CHEK1: variants seen among roughly 807,000 people sequenced by gnomAD.
CHEK1 encodes checkpoint kinase 1, also known as serine/threonine-protein kinase Chk1.
CHEK1 carries 32 observed loss-of-function variants against 60.2 expected under a neutral mutation model. The ratio of observed to expected loss-of-function variants is 0.53; its 90% CI spans 0.40 to 0.71. The LOEUF (loss-of-function observed/expected upper bound fraction) is 0.71. Ranked by LOEUF, CHEK1 falls within the 30% of genes least tolerant of loss-of-function variation. The pLI is 0.00. For missense variants in CHEK1, 399 were observed against 564.6 expected (o/e 0.71, Z 2.97); for synonymous variants, 179 against 187.2 (o/e 0.96, Z 0.36).
intron 5 of CHEK1, among the ~76,000 whole-genome samples, chr11:125,631,827 ACT>A (rs113026374): frequency 0.079 from 10,886 of 138,358 alleles, 467 homozygotes; most frequent in African/African-American, 0.12. Flanking sequence ...ACATCACTAC[ACT>A]CTAGTCTGGG....
At chr11:125,678,391 C>G (rs1230855561), downstream of CHEK1, 1 of 1,435,958 alleles carries the variant, frequency 7.0e-7, no homozygotes, top group Admixed American at 2.2e-5. Flanking sequence ...TTATGAGACT[C>G]CTAGGTTTCC....
intron 8 of CHEK1, among the ~76,000 whole-genome samples, chr11:125,642,603 G>A (rs150532984): frequency 2.6e-5 from 4 of 152,218 alleles, no homozygotes; most frequent in South Asian, 4.2e-4. Flanking sequence ...GTTTGGGTAC[G>A]GATCCTGTAG....
chr11:125,677,913 CCTGAAGGCTGTTCAT>C (rs775646839), downstream of CHEK1: 37 of 1,613,998 alleles, frequency 2.3e-5, no homozygotes, highest in South Asian at 1.2e-4. Flanking sequence ...GCCATGTTCA[CCTGAAGGCTGTTCAT>C]CTGAAGGCTG....
At chr11:125,668,540 T>A (rs898425583) in intron 13 of CHEK1, among the ~76,000 whole-genome samples, 9 of 152,072 alleles carry the variant, frequency 5.9e-5, no homozygotes, top group African/African-American at 2.2e-4. Context: ...TAATTAATTA[T>A]TTATTTATTT....
In CHEK1 at chr11:125,646,459, A is replaced by G. The variant is rs549280361; in HGVS notation, c.1233+1816A>G. On this transcript the variant is annotated intron_variant, in intron 11 of 12. Coordinates refer to ENST00000438015, the MANE Select transcript of CHEK1 (RefSeq NM_001114122.3). ...ATCTTGTACCAGTTTTTGTGTGACCATATGTTTTCAATTTCTTAGATATAT... is the reference window on the plus strand; with the variant it reads ...ATCTTGTACCAGTTTTTGTGTGACCGTATGTTTTCAATTTCTTAGATATAT... Among the ~76,000 whole-genome samples, 4 of 152,236 alleles carry G rather than the reference A, an allele frequency of 2.6e-5. No homozygotes were observed. The South Asian group carries it at 6.2e-4, about 24-fold the overall frequency.
chr11:125,634,595 G>A (rs1470310732), intron 6 of CHEK1, among the ~76,000 whole-genome samples: 1 of 152,094 alleles, frequency 6.6e-6, no homozygotes, highest in African/African-American at 2.4e-5. Context: ...AAAGTGCTGG[G>A]ATTATATAAT....
At chr11:125,679,228 T>TTTTTTTTTTTTTTTTTTTTTTG (rs1454887323), downstream of CHEK1, among the ~76,000 whole-genome samples, 10 of 145,558 alleles carry the variant, frequency 6.9e-5, no homozygotes, top group African/African-American at 2.3e-4. Flanking sequence ...TTTTTTTTTT[T>TTTTTTTTTTTTTTTTTTTTTTG]TGTTTCAAAG....
intron 13 of CHEK1, among the ~76,000 whole-genome samples, chr11:125,665,587 C>T (rs573859970): frequency 2.6e-5 from 4 of 151,952 alleles, no homozygotes; most frequent in Non-Finnish European, 5.9e-5. Context: ...TGATAGAATT[C>T]AACAGTGAAT....
intron 13 of CHEK1, among the ~76,000 whole-genome samples, chr11:125,668,685 T>G (rs1163443510): frequency 6.6e-6 from 1 of 152,130 alleles, no homozygotes; most frequent in Non-Finnish European, 1.5e-5. Context: ...TCTGGGTAAC[T>G]GGGACTATAG....
intron 5 of CHEK1, among the ~76,000 whole-genome samples, chr11:125,629,922 C>T (rs1375428637): frequency 6.6e-6 from 1 of 151,794 alleles, no homozygotes; most frequent in African/African-American, 2.4e-5. Context: ...TGGAGTCTTC[C>T]TGTGTTGCTC....
At chr11:125,647,341 C>CT (rs944516580) in intron 11 of CHEK1, among the ~76,000 whole-genome samples, 18 of 146,216 alleles carry the variant, frequency 1.2e-4, no homozygotes, top group Admixed American at 4.1e-4. Flanking sequence ...TTTTTTTTTC[C>CT]TTTTTTTTTT....
chr11:125,638,157 A>T (rs1047655898), intron 8 of CHEK1, among the ~76,000 whole-genome samples: 2 of 152,238 alleles, frequency 1.3e-5, no homozygotes, highest in African/African-American at 4.8e-5. Flanking sequence ...ACTTAAGACC[A>T]CTGGGGAGAC....
rs553365195 is a variant in CHEK1 at position 125,646,172 on chromosome 11, G to A, written c.1233+1529G>A. On this transcript the variant is annotated intron_variant, in intron 11 of 12. Coordinates refer to ENST00000438015, the MANE Select transcript of CHEK1 (RefSeq NM_001114122.3). ...TCTTGCTCCATTCCCAGACAACCTC[G>A]AATCTACTTTCTGTCTTTAGGGATT... 4.0e-5 allele frequency among the ~76,000 whole-genome samples: 6 copies of A among 151,680 alleles called. No homozygotes were observed. The South Asian group carries it at 6.3e-4, about 16-fold the overall frequency.
intron 11 of CHEK1, among the ~76,000 whole-genome samples, chr11:125,650,781 G>T (rs900520742): frequency 6.6e-6 from 1 of 152,020 alleles, no homozygotes; most frequent in Non-Finnish European, 1.5e-5. Context: ...GTCATGCATG[G>T]CTGTACAATT....
chr11:125,641,122 AC>A (rs1198264197), intron 8 of CHEK1, among the ~76,000 whole-genome samples: 2 of 152,152 alleles, frequency 1.3e-5, no homozygotes, highest in African/African-American at 4.8e-5. Flanking sequence ...TACCATTTGT[AC>A]TTTCAGGCAT....
intron 11 of CHEK1, 33 bp downstream of exon 11, chr11:125,644,676 C>T (rs760478329): frequency 2.3e-5 from 37 of 1,600,100 alleles, no homozygotes; most frequent in Non-Finnish European, 2.9e-5. Context: ...ATACCTTTTC[C>T]TGAAGAAGAA....
At position 125,635,488 on chromosome 11, in the gene CHEK1, A is replaced by G. The variant is rs1042455164; in HGVS notation, c.673A>G (p.Lys225Glu). Residue 225 changes from lysine to glutamate, a missense_variant, in exon 7 of 13, where the codon AAA becomes GAA. By Grantham distance (56) the Lys-to-Glu change is moderately conservative. Around this residue, in one of 2 missense-constraint regions of CHEK1, gnomAD observed 370 missense variants for 494.8 expected, o/e 0.75. Coordinates refer to ENST00000438015, the MANE Select transcript of CHEK1 (RefSeq NM_001114122.3). Reference sequence around the variant, plus strand: ...GGAGTATTCTGACTGGAAAGAAAAAAAAACATACCTCAACCCTTGGAAAAA... The same window carrying G: ...GGAGTATTCTGACTGGAAAGAAAAAGAAACATACCTCAACCCTTGGAAAAA... ...CQEYSDWKEK[K>E]TYLNPWKKID... 1.9e-5 allele frequency: 31 copies of G among 1,609,792 alleles called. No homozygotes were observed. Among genetic ancestry groups the G allele is most frequent in the African/African-American group, 2.7e-5 (2 of 74,670 alleles).
chr11:125,628,388 A>G (rs1213626493), intron 3 of CHEK1, among the ~76,000 whole-genome samples: 1 of 152,174 alleles, frequency 6.6e-6, no homozygotes, highest in Non-Finnish European at 1.5e-5. Context: ...CTGGATCTAA[A>G]TTTATAATTT....
intron 6 of CHEK1, 29 bp from the exon 7 acceptor site, chr11:125,635,400 A>G: frequency 7.4e-7 from 1 of 1,342,458 alleles, no homozygotes; most frequent in South Asian, 1.3e-5. Flanking sequence ...AAGAACATTT[A>G]AAAAAACTGG....
Sources: gnomAD v4.1 joint callset for allele counts (sites outside exome capture counted in the v4.1 genomes callset) on GRCh38, gnomAD v4.1.1 for gene constraint, gnomAD v4.1.1 regional missense constraint, MANE v1.5 for transcripts, NCBI Gene and HGNC (gene_info 2026-07-23, HGNC 2026-07-21) for gene names.